Variants in HTR1F observed in about 807,000 individuals in gnomAD.
HTR1F encodes 5-hydroxytryptamine receptor 1F, also known as 5-hydroxytryptamine (serotonin) receptor 1F, G protein-coupled.
A neutral mutation model predicts 24.0 loss-of-function variants in HTR1F; 17 were observed. The ratio of observed to expected loss-of-function variants is 0.71; its 90% CI spans 0.48 to 1.06. The LOEUF is 1.06. Ranked by LOEUF, HTR1F falls within the 50% of genes least tolerant of loss-of-function variation. The pLI, the probability that HTR1F is intolerant of heterozygous loss-of-function variation, is 0.00. For synonymous variants in HTR1F, 186 were observed against 156.8 expected (o/e 1.19, Z -1.39); for missense variants, 391 against 427.8 (o/e 0.91, Z 0.76).
chr3:87,820,021 A>T (rs1704324813), intron 1 of HTR1F, among the ~76,000 whole-genome samples: 1 of 150,678 alleles, frequency 6.6e-6, no homozygotes, highest in Non-Finnish European at 1.5e-5. Context: ...CTGTGTAGAT[A>T]TGTGAATTTC....
At chr3:87,869,457 T>TGATAGATAGATAGATAGATAGAC (rs1705507673) in intron 2 of HTR1F, among the ~76,000 whole-genome samples, 2 of 150,518 alleles carry the variant, frequency 1.3e-5, no homozygotes, top group African/African-American at 2.5e-5. Context: ...AGATAGATGA[T>TGATAGATAGATAGATAGATAGAC]AGATAGATAG....
At chr3:87,942,841 C>A (rs942153654) in intron 2 of HTR1F, among the ~76,000 whole-genome samples, 12 of 151,770 alleles carry the variant, frequency 7.9e-5, no homozygotes, top group African/African-American at 2.9e-4. Context: ...AAGTTTTGCT[C>A]TGGGCGTAAG....
intron 2 of HTR1F, among the ~76,000 whole-genome samples, chr3:87,925,539 G>A (rs936770898): frequency 9.9e-5 from 15 of 152,086 alleles, no homozygotes; most frequent in African/African-American, 3.6e-4. Flanking sequence ...TAAAAGGAGG[G>A]TCTTGGGAAT....
At chr3:87,937,955 G>A (rs1220661712) in intron 2 of HTR1F, among the ~76,000 whole-genome samples, 3 of 150,482 alleles carry the variant, frequency 2.0e-5, no homozygotes, top group Non-Finnish European at 4.4e-5. Context: ...AAGAAAGAAA[G>A]AAAGAAATAG....
intron 2 of HTR1F, among the ~76,000 whole-genome samples, chr3:87,837,973 T>G (rs938016354): frequency 2.8e-4 from 42 of 152,226 alleles, no homozygotes; most frequent in African/African-American, 8.7e-4. Flanking sequence ...TTTTCAGAAT[T>G]TATTTTGTCC....
intron 2 of HTR1F, among the ~76,000 whole-genome samples, chr3:87,973,625 G>C (rs983260444): frequency 6.6e-6 from 1 of 152,124 alleles, no homozygotes; most frequent in African/African-American, 2.4e-5. Flanking sequence ...GGATGGAAGG[G>C]ATTTCAAGAG....
intron 2 of HTR1F, among the ~76,000 whole-genome samples, chr3:87,833,645 G>T (rs1308679242): frequency 6.6e-6 from 1 of 152,024 alleles, no homozygotes; most frequent in African/African-American, 2.4e-5. Flanking sequence ...ACCACACCTG[G>T]CTAATTTTTT....
chr3:87,843,758 A>G (rs1214993377), intron 2 of HTR1F, among the ~76,000 whole-genome samples: 1 of 144,444 alleles, frequency 6.9e-6, no homozygotes, highest in East Asian at 2.0e-4. Context: ...GTTCCCACCT[A>G]TGAGTGAGAA....
intron 2 of HTR1F, among the ~76,000 whole-genome samples, chr3:87,926,107 A>G (rs1242856631): frequency 2.0e-5 from 3 of 152,192 alleles, no homozygotes; most frequent in African/African-American, 7.2e-5. Flanking sequence ...TCTTTTTTAC[A>G]GAAATGTAAT....
intron 2 of HTR1F, among the ~76,000 whole-genome samples, chr3:87,919,134 T>G (rs1703956921): frequency 6.6e-6 from 1 of 152,058 alleles, no homozygotes. Context: ...AAGGACACCC[T>G]TTTCAAAAAA....
intron 2 of HTR1F, among the ~76,000 whole-genome samples, chr3:87,978,341 T>C (rs546977075): frequency 2.3e-4 from 35 of 152,304 alleles, no homozygotes; most frequent in Admixed American, 6.5e-4. Flanking sequence ...TGTGTTTCAG[T>C]CCTGTTTGTG....
chr3:87,815,809 A>G (rs1402416522), intron 1 of HTR1F, among the ~76,000 whole-genome samples: 3 of 152,120 alleles, frequency 2.0e-5, no homozygotes, highest in Non-Finnish European at 4.4e-5. Flanking sequence ...ATGTCTTAGT[A>G]GCATTCCTTC....
chr3:87,819,357 A>G (rs1428542909), intron 1 of HTR1F, among the ~76,000 whole-genome samples: 1 of 151,546 alleles, frequency 6.6e-6, no homozygotes, highest in African/African-American at 2.4e-5. Flanking sequence ...TTTTTGCTTA[A>G]CTTTGAATAT....
At chr3:87,833,335 G>C (rs561508469) in intron 2 of HTR1F, among the ~76,000 whole-genome samples, 1 of 152,148 alleles carries the variant, frequency 6.6e-6, no homozygotes, top group Non-Finnish European at 1.5e-5. Context: ...CATTTCCCAA[G>C]TGTTGTCCTT....
At position 87,798,385 on chromosome 3, in the gene HTR1F, A is replaced by C. The variant is rs143899336; in HGVS notation, c.-160+5543A>C. Among the ~76,000 whole-genome samples the C allele has an allele frequency of 4.3e-3, 654 of 152,048 alleles. 8 individuals are homozygous for C. Among genetic ancestry groups the C allele is most frequent in the African/African-American group, 0.015 (634 of 41,478 alleles). ...CCACAACTGCCCCCACTCCAATCTG[A>C]ATTTTGCTTCATAAACAATTCTTTT... On this transcript the variant is annotated intron_variant, in intron 1 of 2. Coordinates refer to ENST00000319595, the MANE Select transcript of HTR1F (RefSeq NM_001322209.2).
At chr3:87,923,062 T>C (rs1180099906) in intron 2 of HTR1F, among the ~76,000 whole-genome samples, 1 of 152,012 alleles carries the variant, frequency 6.6e-6, no homozygotes, top group East Asian at 1.9e-4. Context: ...TATTTATCAG[T>C]CTGTTGGCTG....
At chr3:87,882,019 A>G (rs575968668) in intron 2 of HTR1F, among the ~76,000 whole-genome samples, 1 of 152,318 alleles carries the variant, frequency 6.6e-6, no homozygotes, top group East Asian at 1.9e-4. Flanking sequence ...ACAAGAAAAA[A>G]ACAAACAACC....
intron 2 of HTR1F, among the ~76,000 whole-genome samples, chr3:87,917,904 AAGG>A (rs1703930241): frequency 6.6e-6 from 1 of 152,038 alleles, no homozygotes; most frequent in African/African-American, 2.4e-5. Context: ...AAAACCAGTA[AAGG>A]ACATAACCAA....
chr3:87,923,294 T>A (rs1387077280), intron 2 of HTR1F, among the ~76,000 whole-genome samples: 2 of 152,016 alleles, frequency 1.3e-5, no homozygotes, highest in Non-Finnish European at 2.9e-5. Context: ...TTTATTTCTG[T>A]GAATCATGTT....
Sources: gnomAD v4.1 joint callset for allele counts (sites outside exome capture counted in the v4.1 genomes callset) on GRCh38, gnomAD v4.1.1 for gene constraint, MANE v1.5 for transcripts, NCBI Gene and HGNC (gene_info 2026-07-23, HGNC 2026-07-21) for gene names.